INTS6: variants seen among roughly 807,000 people sequenced by gnomAD.
The protein encoded by INTS6 is DEAD box protein.
In INTS6, 16 loss-of-function variants were observed where a neutral mutation model predicts 104.9. The ratio of observed to expected loss-of-function variants is 0.15; its 90% confidence interval spans 0.10 to 0.23. INTS6 has a LOEUF of 0.23. Among genes scored for constraint, INTS6 ranks in the 10% least tolerant of loss-of-function variants. The pLI, the probability that INTS6 is intolerant of heterozygous loss-of-function variation, is 1.00. For missense variants in INTS6, 584 were observed against 1,062.8 expected (o/e 0.55, Z 6.26); for synonymous variants, 324 against 358.7 (o/e 0.90, Z 1.09).
chr13:51,350,478 C>A (rs972579920), downstream of INTS6, among the ~76,000 whole-genome samples: 1 of 152,020 alleles, frequency 6.6e-6, no homozygotes, highest in African/African-American at 2.4e-5. Context: ...ACATAGAAGG[C>A]TGAGCATGAG....
In INTS6 at chr13:51,452,707, C is replaced by T. The variant is rs1203312730; in HGVS notation, c.-182G>A. 2.2e-6 allele frequency: 3 copies of T among 1,335,078 alleles called. No individual in the cohort carries two copies. The highest frequency in any genetic ancestry group is 1.6e-5 in the African/African-American group (1 of 64,142). 82.7% of individuals were successfully genotyped at this position (1,335,078 alleles called of 1,614,324 possible). A position where few individuals can be genotyped will look rare whatever the true frequency, so the allele number is the denominator to read the frequency against. ...TTCTCCCCCGATAGTTGAGAGGAAA[C>T]TCCCCAGACCCAGTGCTCCCCGTCG... On this transcript the variant is annotated 5_prime_UTR_variant, in exon 1 of 18. Coordinates refer to ENST00000311234, the MANE Select transcript of INTS6 (RefSeq NM_012141.3). This position sits in a 1 kb window ranked among gnomAD's most constrained non-coding sequence, Gnocchi z 4.2.
At chr13:51,376,274 A>G (rs1340367418) in intron 12 of INTS6, 100 bp from the exon 13 acceptor site, 4 of 879,588 alleles carry the variant, frequency 4.5e-6, no homozygotes, top group Non-Finnish European at 6.5e-6. Context: ...TAAGATATAT[A>G]AACTGGTTAG....
At position 51,392,393 on chromosome 13, in the gene INTS6, TC is replaced by T. The variant is rs1280513827; in HGVS notation, c.613+2906del. The stretch of plus-strand genomic sequence containing the variant: ...CAAACATATAGAGAGCATGTCCCTT[TC>T]CTTGCCATTTCCTCAAAAAATATTT... On this transcript the variant is annotated intron_variant, in intron 5 of 17. Coordinates refer to ENST00000311234, the MANE Select transcript of INTS6 (RefSeq NM_012141.3). 3.5e-4 allele frequency among the ~76,000 whole-genome samples: 54 copies of T among 152,200 alleles called. 1 individual carries two copies. The highest frequency in any genetic ancestry group is 1.1e-3 in the African/African-American group (45 of 41,512).
chr13:51,393,279 T>C (rs1377051041), intron 5 of INTS6, among the ~76,000 whole-genome samples: 13 of 152,164 alleles, frequency 8.5e-5, no homozygotes, highest in Non-Finnish European at 1.0e-4. Context: ...GGTTTCACCA[T>C]GTTGGCCAGG....
the INTS6 span, chr13:51,344,440 A>T: frequency 1.9e-6 from 3 of 1,605,862 alleles, no homozygotes; most frequent in East Asian, 4.5e-5. Flanking sequence ...TGAGCCCAAT[A>T]GCACCGCCAT....
At chr13:51,348,208 C>T in the INTS6 span, 1 of 1,577,142 alleles carries the variant, frequency 6.3e-7, no homozygotes, top group Non-Finnish European at 8.6e-7. Context: ...CCACTGTACC[C>T]TCAGGTCAGT....
At chr13:51,435,618 T>C (rs1032979461) in intron 3 of INTS6, among the ~76,000 whole-genome samples, 2 of 151,990 alleles carry the variant, frequency 1.3e-5, no homozygotes, top group Non-Finnish European at 2.9e-5. Flanking sequence ...TGAAAAAAAA[T>C]TTTGAAAATA....
intron 16 of INTS6, 31 bp from the exon 17 acceptor site, chr13:51,367,929 A>T: frequency 8.1e-7 from 1 of 1,229,128 alleles, no homozygotes; most frequent in South Asian, 1.4e-5. Context: ...AAGAAAAATT[A>T]AGTGCCTTTC....
At chr13:51,409,381 A>G (rs1166666673) in intron 4 of INTS6, among the ~76,000 whole-genome samples, 3 of 151,026 alleles carry the variant, frequency 2.0e-5, no homozygotes, top group Non-Finnish European at 4.4e-5. Context: ...GAATATTTAT[A>G]TTCTTATTTC....
chr13:51,351,651 CTA>C (rs201118898), downstream of INTS6, among the ~76,000 whole-genome samples: 1,290 of 152,140 alleles, frequency 8.5e-3, 17 homozygotes, highest in African/African-American at 0.029. Context: ...CTCAATTAAT[CTA>C]TGTTTTCTTT....
chr13:51,434,890 G>A (rs1221667119), intron 3 of INTS6, among the ~76,000 whole-genome samples: 1 of 151,990 alleles, frequency 6.6e-6, no homozygotes, highest in Non-Finnish European at 1.5e-5. Context: ...CACCTCCAAA[G>A]TCTAAATGAG....
At chr13:51,345,150 T>A in the INTS6 span, among the ~76,000 whole-genome samples, 1 of 152,120 alleles carries the variant, frequency 6.6e-6, no homozygotes, top group Non-Finnish European at 1.5e-5. Context: ...CTCACAATAA[T>A]CCTAAGGGGT....
intron 4 of INTS6, among the ~76,000 whole-genome samples, chr13:51,407,710 C>T (rs1054852111): frequency 3.9e-5 from 6 of 151,982 alleles, no homozygotes; most frequent in African/African-American, 1.2e-4. Context: ...AACTAAGTTC[C>T]AAATAGACGC....
intron 4 of INTS6, among the ~76,000 whole-genome samples, chr13:51,412,498 A>C (rs1435635958): frequency 6.6e-6 from 1 of 152,192 alleles, no homozygotes; most frequent in African/African-American, 2.4e-5. Context: ...TCTCATTCTG[A>C]ATCTTTCCAT....
chr13:51,422,270 T>G (rs1011552211), intron 4 of INTS6, among the ~76,000 whole-genome samples: 1 of 152,118 alleles, frequency 6.6e-6, no homozygotes, highest in African/African-American at 2.4e-5. Flanking sequence ...GATGCCCAAG[T>G]TGGAAAGTGG....
intron 3 of INTS6, among the ~76,000 whole-genome samples, chr13:51,436,202 T>C (rs1952683416): frequency 1.3e-5 from 2 of 152,164 alleles, no homozygotes; most frequent in South Asian, 4.1e-4. Context: ...GGTAACTTTT[T>C]ATAATACTTC....
chr13:51,359,385 G>A (rs1236620056), downstream of INTS6, among the ~76,000 whole-genome samples: 5 of 152,108 alleles, frequency 3.3e-5, no homozygotes, highest in Non-Finnish European at 7.4e-5. Flanking sequence ...TCTTACCAGA[G>A]ATAAAATTTA....
At chr13:51,428,401 T>A (rs1451832084) in intron 4 of INTS6, among the ~76,000 whole-genome samples, 3 of 151,068 alleles carry the variant, frequency 2.0e-5, no homozygotes, top group African/African-American at 7.3e-5. Context: ...CTCAGCTCAC[T>A]GCAACCTCCA....
downstream of INTS6, among the ~76,000 whole-genome samples, chr13:51,350,264 G>C (rs765349900): frequency 1.3e-5 from 2 of 152,048 alleles, no homozygotes; most frequent in Non-Finnish European, 2.9e-5. Flanking sequence ...AGCTTCCAAA[G>C]TAACCTTTTA....
Sources: allele counts gnomAD v4.1 joint callset (sites outside exome capture counted in the v4.1 genomes callset), GRCh38; gene constraint gnomAD v4.1.1; non-coding constraint Gnocchi (gnomAD v3.1); transcripts MANE v1.5; gene names NCBI Gene and HGNC (gene_info 2026-07-23, HGNC 2026-07-21).